The following ATOX1 variants were observed in gnomAD, a reference collection of about 807,000 sequenced individuals.
The protein encoded by ATOX1 is copper transport protein ATOX1.
Under a neutral mutation model 7.3 loss-of-function variants are expected in ATOX1, and 4 were observed. The observed-to-expected ratio is 0.55, with a 90% CI of 0.27 to 1.25. The LOEUF (loss-of-function observed/expected upper bound fraction) is 1.25. Ranked by LOEUF, ATOX1 falls within the 50% of genes most tolerant of loss-of-function variation. The probability of loss-of-function intolerance (pLI) is 0.12; values close to 1 mark genes in which losing one functional copy is unlikely to be tolerated. For synonymous variants in ATOX1, 25 were observed against 28.7 expected (o/e 0.87, Z 0.41); for missense variants, 68 against 81.6 (o/e 0.83, Z 0.64).
chr5:151,758,417 G>A, intron 1 of ATOX1, 129 bp downstream of exon 1: 2 of 1,338,004 alleles, frequency 1.5e-6, no homozygotes, highest in Non-Finnish European at 1.9e-6. Flanking sequence ...GGTGGGGTAA[G>A]CTAGGGGACA....
In ATOX1 at chr5:151,746,297, C is replaced by CCTGTGGG. The variant is rs1263287211; in HGVS notation, c.*21_*27dup. 6.2e-7 allele frequency: 1 copy of CCTGTGGG among 1,611,482 alleles called. No homozygotes were observed. On this transcript the variant is annotated 3_prime_UTR_variant, in exon 3 of 4. Coordinates refer to ENST00000313115, the MANE Select transcript of ATOX1 (RefSeq NM_004045.4). Reference sequence around the variant, plus strand: ...TACCCACCTGCCCCCTTTGGTCCATCCTGTGGGCTGTGGGGACCAGGCCCC... The same window carrying CCTGTGGG: ...TACCCACCTGCCCCCTTTGGTCCATCCTGTGGGCTGTGGGCTGTGGGGACCAGGCCCC...
At chr5:151,756,044 C>T (rs1315172275) in intron 1 of ATOX1, among the ~76,000 whole-genome samples, 2 of 150,588 alleles carry the variant, frequency 1.3e-5, no homozygotes, top group Admixed American at 6.7e-5. Context: ...TGGGTTCAAG[C>T]GATTCTCCTG....
intron 3 of ATOX1, chr5:151,744,936 T>A (rs918033112): frequency 6.6e-6 from 1 of 152,234 alleles, no homozygotes; most frequent in African/African-American, 2.4e-5. Flanking sequence ...ATTTTACCGA[T>A]GGGAAGACCA....
chr5:151,751,656 G>T, intron 2 of ATOX1, 48 bp downstream of exon 2: 1 of 1,552,124 alleles, frequency 6.4e-7, no homozygotes, highest in Non-Finnish European at 8.8e-7. Context: ...ACATCTGCAT[G>T]CATCTGAACA....
Position 151,749,671 on chromosome 5 carries a change from A to AAAAAAG in ATOX1, c.82+2027_82+2032dup, listed in dbSNP as rs1761920261. On this transcript the variant is annotated intron_variant, in intron 2 of 3. Transcript: ENST00000313115. ...AGCAAACTCCATCTCCAAAAAAAAAAAAAAAGAAAAAGAAAAAAAAAAGCA... is the reference window on the plus strand; with the variant it reads ...AGCAAACTCCATCTCCAAAAAAAAAAAAAAAGAAAAAGAAAAAGAAAAAAAAAAGCA... 2.6e-5 allele frequency among the ~76,000 whole-genome samples: 4 copies of AAAAAAG among 151,604 alleles called. No individual in the cohort carries two copies. In the South Asian group the frequency reaches 8.4e-4, roughly 32 times the overall value.
intron 2 of ATOX1, among the ~76,000 whole-genome samples, chr5:151,750,644 CT>C (rs34586233): frequency 9.3e-4 from 93 of 100,328 alleles, no homozygotes; most frequent in South Asian, 4.3e-3. Flanking sequence ...TTTTTTCTTT[CT>C]TTTTTTTTTT....
Position 151,758,591 on chromosome 5 carries a change from T to C in ATOX1, c.-40A>G. 1.4e-6 allele frequency: 2 copies of C among 1,407,528 alleles called. No individual in the cohort carries two copies. Among genetic ancestry groups the C allele is most frequent in the South Asian group, 3.2e-5 (2 of 63,348 alleles). The allele number at this position is 1,407,528 out of a possible 1,614,324, so 87.2% of individuals were successfully genotyped here. A position where few individuals can be genotyped will look rare whatever the true frequency, so the allele number is the denominator to read the frequency against. Reference sequence around the variant, plus strand: ...CGGTGTGGCGGCGGTGTGGCGGCGGTGTCAGCAGCGCCTCTCTGGATTCGG... The same window carrying C: ...CGGTGTGGCGGCGGTGTGGCGGCGGCGTCAGCAGCGCCTCTCTGGATTCGG... On this transcript the variant is annotated 5_prime_UTR_variant, in exon 1 of 4. Coordinates refer to ENST00000313115, the MANE Select transcript of ATOX1 (RefSeq NM_004045.4).
At chr5:151,755,938 CTTTTTTTTT>C (rs914215313) in intron 1 of ATOX1, among the ~76,000 whole-genome samples, 1 of 118,448 alleles carries the variant, frequency 8.4e-6, no homozygotes, top group African/African-American at 3.2e-5. Flanking sequence ...TGGGATGATT[CTTTTTTTTT>C]TTTTTTTTTT....
chr5:151,756,475 TTTTTC>T (rs1380581668), intron 1 of ATOX1, among the ~76,000 whole-genome samples: 1 of 151,618 alleles, frequency 6.6e-6, no homozygotes, highest in Non-Finnish European at 1.5e-5. Context: ...TCCTTTTTTT[TTTTTC>T]TTTTGAGACA....
chr5:151,751,786 C>A lies in ATOX1; in HGVS notation c.7-7G>T, dbSNP rs775487140. 4.4e-6 allele frequency: 7 copies of A among 1,603,136 alleles called. No individual in the cohort carries two copies. The highest frequency in any genetic ancestry group is 6.0e-6 in the Non-Finnish European group (7 of 1,174,974). On this transcript the variant is annotated splice_polypyrimidine_tract_variant and splice_region_variant and intron_variant, in intron 1 of 3. Coordinates refer to ENST00000313115, the MANE Select transcript of ATOX1 (RefSeq NM_004045.4). ...CCACAGAGAACTCGTGCTTCTGAAA[C>A]AAACACAGGGGGACCATGACCCGAG...
At chr5:151,744,786 G>A (rs967797745) in intron 3 of ATOX1, 2 of 152,212 alleles carry the variant, frequency 1.3e-5, no homozygotes, top group African/African-American at 4.8e-5. Flanking sequence ...TAGGGGTGGA[G>A]GAATGATGTA....
intron 1 of ATOX1, among the ~76,000 whole-genome samples, chr5:151,755,938 CTTTTTTTTTTT>C (rs914215313): frequency 2.5e-5 from 3 of 118,448 alleles, no homozygotes; most frequent in Non-Finnish European, 3.6e-5. Context: ...TGGGATGATT[CTTTTTTTTTTT>C]TTTTTTTTTT....
chr5:151,747,853 T>C (rs1281353652), intron 2 of ATOX1, among the ~76,000 whole-genome samples: 1 of 152,262 alleles, frequency 6.6e-6, no homozygotes, highest in Admixed American at 6.5e-5. Context: ...CCTCCCAAAG[T>C]GTTGGGACTA....
chr5:151,748,277 G>A (rs1219314761), intron 2 of ATOX1, among the ~76,000 whole-genome samples: 2 of 152,134 alleles, frequency 1.3e-5, no homozygotes, highest in African/African-American at 4.8e-5. Flanking sequence ...TTGACTTGCT[G>A]GGTGACCATG....
chr5:151,756,614 A>G (rs1317905436), intron 1 of ATOX1, among the ~76,000 whole-genome samples: 1 of 152,002 alleles, frequency 6.6e-6, no homozygotes, highest in Non-Finnish European at 1.5e-5. Flanking sequence ...CTGGGACTAT[A>G]GGCACGGGCC....
intron 2 of ATOX1, among the ~76,000 whole-genome samples, chr5:151,749,214 G>A (rs1425727046): frequency 2.0e-5 from 3 of 152,092 alleles, no homozygotes; most frequent in African/African-American, 7.2e-5. Flanking sequence ...GGCTGGGCAC[G>A]GTGGCTCACG....
At chr5:151,752,051 C>G in intron 1 of ATOX1, 1 of 596,662 alleles carries the variant, frequency 1.7e-6, no homozygotes, top group Non-Finnish European at 3.0e-6. Flanking sequence ...ACCTGGAGAT[C>G]TAGTTTAAAA....
intron 2 of ATOX1, 137 bp downstream of exon 2, chr5:151,751,567 G>T: frequency 1.3e-6 from 1 of 766,760 alleles, no homozygotes. Flanking sequence ...AAAATAACAA[G>T]AGTAGTTGGC....
intron 2 of ATOX1, 64 bp downstream of exon 2, chr5:151,751,640 C>T: frequency 6.6e-7 from 1 of 1,522,518 alleles, no homozygotes; most frequent in Non-Finnish European, 8.9e-7. Flanking sequence ...CTAAGTCTCT[C>T]CTGCAACATC....
Sources: allele counts gnomAD v4.1 joint callset (sites outside exome capture counted in the v4.1 genomes callset), GRCh38; gene constraint gnomAD v4.1.1; transcripts MANE v1.5; gene names NCBI Gene and HGNC (gene_info 2026-07-23, HGNC 2026-07-21).